Variants in ASF1A observed in about 807,000 individuals in gnomAD.
ASF1A encodes the protein anti-silencing function 1A histone chaperone.
ASF1A carries 5 observed loss-of-function variants against 22.0 expected under a neutral mutation model. That is an observed-to-expected ratio of 0.23 (90% CI 0.12 to 0.48). The LOEUF (loss-of-function observed/expected upper bound fraction) is 0.48. Ranked by LOEUF, ASF1A falls within the 20% of genes least tolerant of loss-of-function variation. ASF1A has a pLI of 0.99. For missense variants in ASF1A, 137 were observed against 240.6 expected, an observed-to-expected ratio of 0.57 and a Z score of 2.85; for synonymous variants, 97 against 86.7, an observed-to-expected ratio of 1.12 and a Z score of -0.66.
At chr6:118,894,797 C>G (rs1347800427) in intron 1 of ASF1A, among the ~76,000 whole-genome samples, 2 of 152,206 alleles carry the variant, frequency 1.3e-5, no homozygotes, top group East Asian at 3.9e-4. Flanking sequence ...GGGCGGGCAG[C>G]TCGGAGACCC....
At chr6:118,895,807 A>G (rs959489569) in intron 1 of ASF1A, among the ~76,000 whole-genome samples, 2 of 152,196 alleles carry the variant, frequency 1.3e-5, no homozygotes, top group African/African-American at 4.8e-5. Context: ...AATGCATTGA[A>G]GATGATTTAG....
At chr6:118,903,031 T>C (rs1779909834) in intron 2 of ASF1A, among the ~76,000 whole-genome samples, 3 of 152,236 alleles carry the variant, frequency 2.0e-5, no homozygotes, top group Admixed American at 6.5e-5. Flanking sequence ...GCCTGTAAGC[T>C]TCTCTACTTA....
At position 118,909,094 on chromosome 6, in the gene ASF1A, ATC is replaced by A; in HGVS notation, c.*1483_*1484del. ...TGACTGTTAAAACTATATAAAGAAAATCTCATTTGTCTAATTGCAATTAAAAG... is the reference window on the plus strand; with the variant it reads ...TGACTGTTAAAACTATATAAAGAAAATCATTTGTCTAATTGCAATTAAAAG... On this transcript the variant is annotated 3_prime_UTR_variant, in exon 4 of 4. Transcript: ENST00000229595. 6.6e-6 allele frequency: 1 copy of A among 152,344 alleles called. No homozygotes were observed. The highest frequency in any genetic ancestry group is 1.9e-4 in the East Asian group (1 of 5,192). The allele number at this position is 152,344 out of a possible 1,614,324, so 9.4% of individuals were successfully genotyped here.
At position 118,907,455 on chromosome 6, in the gene ASF1A, T is replaced by C. The variant is rs1230804820; in HGVS notation, c.456T>C (p.Asn152=). The C allele has an allele frequency of 1.2e-6, 2 of 1,612,392 alleles. No homozygotes were observed. Among genetic ancestry groups the C allele is most frequent in the African/African-American group, 1.3e-5 (1 of 75,024 alleles). Residue 152 remains asparagine (N), a synonymous_variant, in exon 4 of 4, where the codon AAT becomes AAC. Coordinates refer to ENST00000229595, the MANE Select transcript of ASF1A (RefSeq NM_014034.3). The part of the protein sequence containing the change: ...SNPRVTRFHI[N]WEDNTEKLED... ...CCAGGGTCACAAGATTCCACATTAA[T>C]TGGGAAGATAACACAGAAAAACTGG...
In ASF1A at chr6:118,908,790, A is replaced by G. The variant is rs535367034; in HGVS notation, c.*1176A>G. On this transcript the variant is annotated 3_prime_UTR_variant, in exon 4 of 4. Transcript: ENST00000229595. ...CATAAAATTGAGGTAGAATATTTTC[A>G]TTATTCTTGCAGCTAAGCAAGACAG... is the stretch of plus-strand genomic sequence containing the variant. 1 of 152,618 alleles carries G rather than the reference A, an allele frequency of 6.6e-6. No homozygotes were observed. The highest frequency in any genetic ancestry group is 1.5e-5 in the Non-Finnish European group (1 of 68,018). The allele number at this position is 152,618 out of a possible 1,614,324, so 9.5% of individuals were successfully genotyped here.
chr6:118,894,876 C>T (rs1386396768), intron 1 of ASF1A, among the ~76,000 whole-genome samples: 4 of 152,146 alleles, frequency 2.6e-5, no homozygotes, highest in African/African-American at 9.6e-5. Context: ...GCCTCCGCGA[C>T]CCTCCGGGCC....
chr6:118,905,951 G>A, intron 3 of ASF1A, 123 bp downstream of exon 3: 1 of 647,242 alleles, frequency 1.5e-6, no homozygotes, highest in Non-Finnish European at 2.5e-6. Flanking sequence ...AGGTCCTTAT[G>A]CCAACTGGGC....
chr6:118,902,168 T>A (rs1779837627), intron 2 of ASF1A, among the ~76,000 whole-genome samples: 1 of 152,222 alleles, frequency 6.6e-6, no homozygotes, highest in Admixed American at 6.5e-5. Flanking sequence ...GGTAACAGAA[T>A]GCCCTGTTCT....
chr6:118,900,698 G>C, intron 1 of ASF1A, 68 bp from the exon 2 acceptor site: 2 of 1,117,082 alleles, frequency 1.8e-6, no homozygotes, highest in Non-Finnish European at 2.7e-6. Context: ...GACATTAAAA[G>C]GGTCTTTGAT....
intron 3 of ASF1A, among the ~76,000 whole-genome samples, chr6:118,907,144 TA>T (rs1301590690): frequency 6.6e-6 from 1 of 152,206 alleles, no homozygotes; most frequent in Non-Finnish European, 1.5e-5. Context: ...GTATAGGAGT[TA>T]AATAGTTAAA....
Position 118,909,047 on chromosome 6 carries a change from G to A in ASF1A, c.*1433G>A, listed in dbSNP as rs1780356777. On this transcript the variant is annotated 3_prime_UTR_variant, in exon 4 of 4. Coordinates refer to ENST00000229595, the MANE Select transcript of ASF1A (RefSeq NM_014034.3). ...AATATTGTCCATTAACTAGTTCATA[G>A]ATTTTAAAAGTAAAATACTTCTGAC... 1 of 152,114 alleles carries A rather than the reference G, an allele frequency of 6.6e-6. No homozygotes were observed. Among genetic ancestry groups the A allele is most frequent in the Non-Finnish European group, 1.5e-5 (1 of 68,006 alleles). The allele number at this position is 152,114 out of a possible 1,614,324, so 9.4% of individuals were successfully genotyped here.
chr6:118,895,496 C>T (rs1779331067), intron 1 of ASF1A, among the ~76,000 whole-genome samples: 1 of 152,180 alleles, frequency 6.6e-6, no homozygotes, highest in African/African-American at 2.4e-5. Context: ...TAAAATAACT[C>T]CACATCCAAA....
Position 118,907,494 on chromosome 6 carries a change from C to T in ASF1A, c.495C>T (p.Ser165=), listed in dbSNP as rs1422012826. 1 of 1,613,488 alleles carries T rather than the reference C, an allele frequency of 6.2e-7. No homozygotes were observed. Among genetic ancestry groups the T allele is most frequent in the Non-Finnish European group, 8.5e-7 (1 of 1,179,584 alleles). Residue 165 remains serine (S), a synonymous_variant, in exon 4 of 4, where the codon AGC becomes AGT. Transcript: ENST00000229595. The part of the protein sequence containing the change: ...DNTEKLEDAE[S]SNPNLQSLLS... Reference sequence around the variant, plus strand: ...CAGAAAAACTGGAAGATGCAGAGAGCAGTAATCCAAATCTACAGTCACTTC... The same window carrying T: ...CAGAAAAACTGGAAGATGCAGAGAGTAGTAATCCAAATCTACAGTCACTTC...
In ASF1A at chr6:118,894,536, C is replaced by T. The variant is rs1779209116; in HGVS notation, c.109+14C>T. 6.5e-6 allele frequency: 10 copies of T among 1,531,114 alleles called. No homozygotes were observed. The highest frequency in any genetic ancestry group is 1.2e-5 in the South Asian group (1 of 83,926). 94.8% of individuals were successfully genotyped at this position (1,531,114 alleles called of 1,614,324 possible). On this transcript the variant is annotated intron_variant, in intron 1 of 3. Transcript: ENST00000229595. The stretch of plus-strand genomic sequence containing the variant: ...ACCTGTCTGAAGGTGAGTGCGGCGC[C>T]CGTGCGCCCGGGCTGTCAGTTGCGG...
chr6:118,897,160 GA>G (rs1457570234), intron 1 of ASF1A, among the ~76,000 whole-genome samples: 1 of 152,098 alleles, frequency 6.6e-6, no homozygotes, highest in African/African-American at 2.4e-5. Flanking sequence ...ATTTTGAAAA[GA>G]ATTTTCTTAA....
intron 1 of ASF1A, 124 bp downstream of exon 1, chr6:118,894,646 A>G (rs1329017212): frequency 2.4e-6 from 2 of 832,710 alleles, no homozygotes; most frequent in Non-Finnish European, 3.7e-6. Context: ...TGCTCTGCGG[A>G]GGGAAACTTG....
Position 118,907,788 on chromosome 6 carries a change from T to A in ASF1A, c.*174T>A. ...ACAAATTGTGGAATATAAATACAAC[T>A]ATTTTTAAGTAATTTTTTTCTCTAA... On this transcript the variant is annotated 3_prime_UTR_variant, in exon 4 of 4. Coordinates refer to ENST00000229595, the MANE Select transcript of ASF1A (RefSeq NM_014034.3). 1 of 541,494 alleles carries A rather than the reference T, an allele frequency of 1.8e-6. No individual in the cohort carries two copies. The highest frequency in any genetic ancestry group is 2.9e-5 in the South Asian group (1 of 34,710). The allele number at this position is 541,494 out of a possible 1,614,324, so 33.5% of individuals were successfully genotyped here. A position where few individuals can be genotyped will look rare whatever the true frequency, so the allele number is the denominator to read the frequency against.
chr6:118,894,239 A>G lies in ASF1A; in HGVS notation c.-175A>G. On this transcript the variant is annotated 5_prime_UTR_variant, in exon 1 of 4. Transcript: ENST00000229595. Reference sequence around the variant, plus strand: ...TTTAGTGAAATAGGAAAGCTGCAAAACACTGTGGAGTGCTCCCGTGTAAAT... The same window carrying G: ...TTTAGTGAAATAGGAAAGCTGCAAAGCACTGTGGAGTGCTCCCGTGTAAAT... 1 of 1,437,392 alleles carries G rather than the reference A, an allele frequency of 7.0e-7. No homozygotes were observed. The highest frequency in any genetic ancestry group is 9.1e-7 in the Non-Finnish European group (1 of 1,100,926). 89.0% of individuals were successfully genotyped at this position (1,437,392 alleles called of 1,614,324 possible).
At chr6:118,899,546 A>T (rs965513666) in intron 1 of ASF1A, among the ~76,000 whole-genome samples, 1 of 152,182 alleles carries the variant, frequency 6.6e-6, no homozygotes, top group African/African-American at 2.4e-5. Flanking sequence ...AGCACCCTGC[A>T]TCTGGAAGTG....
Sources: allele counts gnomAD v4.1 joint callset (sites outside exome capture counted in the v4.1 genomes callset), GRCh38; gene constraint gnomAD v4.1.1; transcripts MANE v1.5; gene names NCBI Gene and HGNC (gene_info 2026-07-23, HGNC 2026-07-21).